The following FMN1 variants were observed in gnomAD, a reference collection of about 807,000 sequenced individuals.
FMN1 encodes the protein formin-1.
Under a neutral mutation model 132.4 loss-of-function variants are expected in FMN1, and 110 were observed. The ratio of observed to expected loss-of-function variants is 0.83; its 90% confidence interval spans 0.71 to 0.97. The LOEUF (loss-of-function observed/expected upper bound fraction) is 0.97, where lower values mean the gene tolerates loss of function less well. FMN1 is among the 50% of genes least tolerant of loss of function. The pLI, the probability that FMN1 is intolerant of heterozygous loss-of-function variation, is 0.00. For synonymous variants in FMN1, 722 were observed against 651.7 expected, an observed-to-expected ratio of 1.11 and a Z score of -1.64; for missense variants, 1,792 against 1,705.3, an observed-to-expected ratio of 1.05 and a Z score of -0.90.
intron 4 of FMN1, among the ~76,000 whole-genome samples, chr15:33,109,636 T>G (rs1373786822): frequency 6.6e-6 from 1 of 151,866 alleles, no homozygotes; most frequent in African/African-American, 2.4e-5. Context: ...AAGAGCTACA[T>G]GGTAAGAACT....
chr15:32,945,246 T>G (rs929059497), intron 9 of FMN1, among the ~76,000 whole-genome samples: 2 of 152,192 alleles, frequency 1.3e-5, no homozygotes, highest in Non-Finnish European at 2.9e-5. Flanking sequence ...TATGTTTCTA[T>G]AATCCCTGAT....
At position 33,124,064 on chromosome 15, in the gene FMN1, G is replaced by A. The variant is rs972268247; in HGVS notation, c.1867+28984C>T. Among the ~76,000 whole-genome samples the A allele has an allele frequency of 3.9e-5, 6 of 152,116 alleles. No individual in the cohort carries two copies. In the South Asian group the frequency reaches 6.2e-4, roughly 16 times the overall value. On this transcript the variant is annotated intron_variant, in intron 4 of 20. Transcript: ENST00000616417. ...CTCTCTAGAGTATAACTTAGAAAAT[G>A]TGCCCGTCCATAAACAGATCACAGT...
chr15:33,126,940 T>G (rs1963139367), intron 4 of FMN1, among the ~76,000 whole-genome samples: 1 of 152,190 alleles, frequency 6.6e-6, no homozygotes, highest in Admixed American at 6.5e-5. Context: ...GTAAGGTGAC[T>G]CCTGACAAAG....
At chr15:32,810,803 T>C in intron 17 of FMN1, 1 of 306,094 alleles carries the variant, frequency 3.3e-6, no homozygotes, top group South Asian at 3.0e-5. Flanking sequence ...GGTTGGAGTA[T>C]CTTCCTAGTA....
chr15:32,884,480 G>A (rs2059848319), intron 16 of FMN1, among the ~76,000 whole-genome samples: 1 of 152,132 alleles, frequency 6.6e-6, no homozygotes, highest in African/African-American at 2.4e-5. Context: ...ATTAGATTAG[G>A]CCCACTTGGA....
At chr15:33,122,391 A>G (rs16965264) in intron 4 of FMN1, among the ~76,000 whole-genome samples, 1,757 of 152,326 alleles carry the variant, frequency 0.012, 26 homozygotes, top group African/African-American at 0.038. Context: ...CAAAAAGTAC[A>G]TGCCTGGTGG....
chr15:33,069,781 T>G (rs867099702), intron 5 of FMN1, among the ~76,000 whole-genome samples: 1 of 152,210 alleles, frequency 6.6e-6, no homozygotes. Context: ...CTTCTCTGTT[T>G]GCTCCTGATC....
chr15:33,106,297 C>T (rs1437848577), intron 4 of FMN1: 1 of 150,930 alleles, frequency 6.6e-6, no homozygotes, highest in African/African-American at 2.4e-5. Context: ...CACACACACG[C>T]ACGCACACAC....
Position 32,774,226 on chromosome 15 carries a change from G to T in FMN1, c.*84C>A. The T allele has an allele frequency of 9.4e-7, 1 of 1,066,636 alleles. No homozygotes were observed. The highest frequency in any genetic ancestry group is 1.4e-6 in the Non-Finnish European group (1 of 712,914). 66.1% of individuals were successfully genotyped at this position (1,066,636 alleles called of 1,614,324 possible). A position where few individuals can be genotyped will look rare whatever the true frequency, so the allele number is the denominator to read the frequency against. ...AAACATTTAGTGACACATCTTTCAA[G>T]AACGTCCTGCAACCCTGTGGTCACA... On this transcript the variant is annotated 3_prime_UTR_variant, in exon 21 of 21. Coordinates refer to ENST00000616417, the MANE Select transcript of FMN1 (RefSeq NM_001277313.2).
intron 10 of FMN1, among the ~76,000 whole-genome samples, chr15:32,914,103 A>G (rs1025642039): frequency 6.6e-6 from 1 of 152,180 alleles, no homozygotes; most frequent in African/African-American, 2.4e-5. Context: ...AATACTCCCT[A>G]ACAAAAATAA....
At position 32,969,091 on chromosome 15, in the gene FMN1, C is replaced by A. The variant is rs368194891; in HGVS notation, c.2610G>T (p.Pro870=). 6.2e-7 allele frequency: 1 copy of A among 1,606,740 alleles called. No individual in the cohort carries two copies. Among genetic ancestry groups the A allele is most frequent in the Non-Finnish European group, 8.5e-7 (1 of 1,175,464 alleles). Residue 870 remains proline, a synonymous_variant, in exon 8 of 21, where the codon CCG becomes CCT. Coordinates refer to ENST00000616417, the MANE Select transcript of FMN1 (RefSeq NM_001277313.2). ...GAGGGGGAGGGATGGATGCGGGAGGCGGAGGCAATGCCTTCTGCTGATTTG... is the reference window on the plus strand; with the variant it reads ...GAGGGGGAGGGATGGATGCGGGAGGAGGAGGCAATGCCTTCTGCTGATTTG... The part of the protein sequence containing the change: ...MASNQQKALP[P]PPASIPPPPP...
chr15:33,066,146 T>G (rs1038567427), intron 5 of FMN1, among the ~76,000 whole-genome samples: 4 of 152,302 alleles, frequency 2.6e-5, no homozygotes, highest in Non-Finnish European at 5.9e-5. Flanking sequence ...TGCGGAGGTA[T>G]AATTAAGGGG....
In FMN1 at chr15:32,774,123, T is replaced by C. The variant is rs555975407; in HGVS notation, c.*187A>G. 3.3e-6 allele frequency: 2 copies of C among 605,614 alleles called. No individual in the cohort carries two copies. Among genetic ancestry groups the C allele is most frequent in the African/African-American group, 3.9e-5 (2 of 51,150 alleles). The allele number at this position is 605,614 out of a possible 1,614,324, so 37.5% of individuals were successfully genotyped here. ...CCCTTAAATAGTTTTCCATTGTTCC[T>C]GCGGCTTAATGAGGGACTTCTTAAA... On this transcript the variant is annotated 3_prime_UTR_variant, in exon 21 of 21. Transcript: ENST00000616417.
chr15:33,084,018 G>T (rs1024260070), intron 5 of FMN1, among the ~76,000 whole-genome samples: 12 of 152,130 alleles, frequency 7.9e-5, no homozygotes, highest in Admixed American at 2.0e-4. Context: ...GGTCTAAAAA[G>T]GGGAGGGACC....
Position 32,804,297 on chromosome 15 carries a change from C to G in FMN1, c.3964G>C (p.Glu1322Gln), listed in dbSNP as rs773036224. ...GCTGCTTACCTTTTCTGTGCATTCT[C>G]CAAGTGACTTTCTTCCATCTTATGC... ...KEHKMEESHL[E>Q]NAQKSFETTV... Residue 1322 changes from glutamate to glutamine, a missense_variant, in exon 18 of 21, where the codon GAG (glutamate) becomes CAG (glutamine). By Grantham distance (29) the Glu-to-Gln change is conservative (BLOSUM62 2). This residue lies in a region of FMN1 where 1,150 missense variants were observed against 1,043.1 expected (regional missense o/e 1.10). Coordinates refer to ENST00000616417, the MANE Select transcript of FMN1 (RefSeq NM_001277313.2). 3 of 1,569,112 alleles carry G rather than the reference C, an allele frequency of 1.9e-6. No individual in the cohort carries two copies. The highest frequency in any genetic ancestry group is 1.2e-5 in the South Asian group (1 of 85,176).
At chr15:33,073,067 T>C (rs2038060815) in intron 5 of FMN1, among the ~76,000 whole-genome samples, 1 of 152,104 alleles carries the variant, frequency 6.6e-6, no homozygotes, top group South Asian at 2.1e-4. Flanking sequence ...AGATCAGCAA[T>C]AAAAATTTTT....
chr15:32,995,722 T>C (rs1566804551), intron 7 of FMN1, among the ~76,000 whole-genome samples: 2 of 152,214 alleles, frequency 1.3e-5, no homozygotes, highest in Non-Finnish European at 2.9e-5. Context: ...TACATGAAAT[T>C]ATAGTTTAGA....
intron 16 of FMN1, among the ~76,000 whole-genome samples, chr15:32,884,815 T>G (rs902655007): frequency 6.6e-6 from 1 of 152,224 alleles, no homozygotes; most frequent in African/African-American, 2.4e-5. Context: ...ACCAAGAACT[T>G]GGTTCTCTCT....
At chr15:32,975,680 T>C (rs765242600) in intron 7 of FMN1, among the ~76,000 whole-genome samples, 9 of 152,204 alleles carry the variant, frequency 5.9e-5, no homozygotes, top group Admixed American at 2.0e-4. Flanking sequence ...TTGATCATGT[T>C]AGTTTTAATA....
Sources: allele counts gnomAD v4.1 joint callset (sites outside exome capture counted in the v4.1 genomes callset), GRCh38; gene constraint gnomAD v4.1.1; regional missense constraint gnomAD v4.1.1; transcripts MANE v1.5; gene names NCBI Gene and HGNC (gene_info 2026-07-23, HGNC 2026-07-21).